ERP27: variants seen among roughly 807,000 people sequenced by gnomAD.
The protein encoded by ERP27 is endoplasmic reticulum resident protein 27.
ERP27 carries 23 observed loss-of-function variants against 27.7 expected under a neutral mutation model. The ratio of observed to expected loss-of-function variants is 0.83; its 90% CI spans 0.60 to 1.18. ERP27 has a LOEUF of 1.18. Among genes scored for constraint, ERP27 ranks in the 50% most tolerant of loss-of-function variants. The pLI is 0.00. For missense variants in ERP27, 363 were observed against 327.9 expected, an observed-to-expected ratio of 1.11 and a Z score of -0.83; for synonymous variants, 159 against 118.3, an observed-to-expected ratio of 1.34 and a Z score of -2.23.
At chr12:14,920,908 C>G in intron 4 of ERP27, 24 bp downstream of exon 4, 4 of 1,590,436 alleles carry the variant, frequency 2.5e-6, no homozygotes, top group Non-Finnish European at 3.5e-6. Flanking sequence ...TCTGAAGGGA[C>G]TAAGAACAGG....
chr12:14,919,994 G>C (rs964412945), intron 4 of ERP27, among the ~76,000 whole-genome samples: 5 of 152,054 alleles, frequency 3.3e-5, no homozygotes, highest in African/African-American at 9.7e-5. Flanking sequence ...AGGATGAAAG[G>C]GCTCTGTAAG....
Position 14,914,360 on chromosome 12 carries a change from G to A in ERP27, c.*375C>T, listed in dbSNP as rs1017181991. 1 of 205,328 alleles carries A rather than the reference G, an allele frequency of 4.9e-6. No individual in the cohort carries two copies. Among genetic ancestry groups the A allele is most frequent in the Admixed American group, 5.5e-5 (1 of 18,212 alleles). 12.7% of individuals were successfully genotyped at this position (205,328 alleles called of 1,614,324 possible). ...CAAACTTGATATTAAATGACAAATT[G>A]GAACAATCTTTCTCTAGGAATGCCT... On this transcript the variant is annotated 3_prime_UTR_variant, in exon 7 of 7. Transcript: ENST00000266397.
In ERP27 at chr12:14,935,181, G is replaced by C. The variant is rs111675104; in HGVS notation, c.196-188C>G. On this transcript the variant is annotated intron_variant, in intron 2 of 6. Coordinates refer to ENST00000266397, the MANE Select transcript of ERP27 (RefSeq NM_152321.4). ...GACATTCTTGAATTTTCCAGGCTCT[G>C]TAAGTTAATAGGTAACCACGAAATT... 1.0e-3 allele frequency: 1,005 copies of C among 984,928 alleles called. 11 individuals carry two copies. In the African/African-American group the frequency reaches 0.015, roughly 14 times the overall value. 61.0% of individuals were successfully genotyped at this position (984,928 alleles called of 1,614,324 possible). A position where few individuals can be genotyped will look rare whatever the true frequency, so the allele number is the denominator to read the frequency against.
rs545598143 is a variant in ERP27 at position 14,915,416 on chromosome 12, A to T, written c.774+73T>A. 2.3e-4 allele frequency: 353 copies of T among 1,528,470 alleles called. 2 individuals are homozygous for T. In the South Asian group the frequency reaches 3.9e-3, roughly 17 times the overall value. 94.7% of individuals were successfully genotyped at this position (1,528,470 alleles called of 1,614,324 possible). A position where few individuals can be genotyped will look rare whatever the true frequency, so the allele number is the denominator to read the frequency against. On this transcript the variant is annotated intron_variant, in intron 6 of 6. Coordinates refer to ENST00000266397, the MANE Select transcript of ERP27 (RefSeq NM_152321.4). ...CTCTCCTCCCTCTCTGAGCCCAAAGAATTCTTATTCAACTGGAAATAAAAG... is the reference window on the plus strand; with the variant it reads ...CTCTCCTCCCTCTCTGAGCCCAAAGTATTCTTATTCAACTGGAAATAAAAG...
intron 3 of ERP27, among the ~76,000 whole-genome samples, chr12:14,923,543 C>T (rs1051184065): frequency 6.9e-6 from 1 of 144,300 alleles, no homozygotes; most frequent in African/African-American, 2.6e-5. Flanking sequence ...ATCTATATTA[C>T]CTATCTCCTG....
chr12:14,929,713 T>G (rs1337879790), intron 3 of ERP27, among the ~76,000 whole-genome samples: 3 of 152,178 alleles, frequency 2.0e-5, no homozygotes, highest in Non-Finnish European at 4.4e-5. Flanking sequence ...AGACACTACA[T>G]CATACCAATC....
chr12:14,919,661 C>T (rs1289734077), intron 4 of ERP27, among the ~76,000 whole-genome samples: 1 of 152,066 alleles, frequency 6.6e-6, no homozygotes, highest in Non-Finnish European at 1.5e-5. Context: ...CCACAGGATT[C>T]AGTCACAGGC....
chr12:14,914,581 T>C lies in ERP27; in HGVS notation c.*154A>G, dbSNP rs77114487. ...CTCTGTGTGTGTGTGTGTGTGTGCG[T>C]GTGTGTGTGCACGCGTGCGTGCGTG... On this transcript the variant is annotated 3_prime_UTR_variant, in exon 7 of 7. Coordinates refer to ENST00000266397, the MANE Select transcript of ERP27 (RefSeq NM_152321.4). 108 of 524,598 alleles carry C rather than the reference T, an allele frequency of 2.1e-4. No individual in the cohort carries two copies. Among genetic ancestry groups the C allele is most frequent in the East Asian group, 5.5e-4 (17 of 31,014 alleles). 32.5% of individuals were successfully genotyped at this position (524,598 alleles called of 1,614,324 possible).
intron 3 of ERP27, among the ~76,000 whole-genome samples, chr12:14,930,066 G>C: frequency 6.6e-6 from 1 of 152,044 alleles, no homozygotes; most frequent in East Asian, 1.9e-4. Flanking sequence ...GCTAATGCAT[G>C]CGGGGCTTAA....
At chr12:14,927,139 C>A (rs563998542) in intron 3 of ERP27, among the ~76,000 whole-genome samples, 1 of 152,134 alleles carries the variant, frequency 6.6e-6, no homozygotes, top group Non-Finnish European at 1.5e-5. Flanking sequence ...CAGCTGTGAA[C>A]CTTATGGTTG....
At chr12:14,924,311 A>T (rs937945837) in intron 3 of ERP27, among the ~76,000 whole-genome samples, 5 of 152,100 alleles carry the variant, frequency 3.3e-5, no homozygotes, top group Non-Finnish European at 5.9e-5. Flanking sequence ...TTTCTTGGTT[A>T]TTGTGAATAG....
At chr12:14,927,772 ACACACT>A (rs1863628608) in intron 3 of ERP27, among the ~76,000 whole-genome samples, 1 of 150,542 alleles carries the variant, frequency 6.6e-6, no homozygotes. Flanking sequence ...ACACACACAC[ACACACT>A]TACACACACA....
At position 14,921,187 on chromosome 12, in the gene ERP27, G is replaced by A. The variant is rs976347020; in HGVS notation, c.334-139C>T. On this transcript the variant is annotated intron_variant, in intron 3 of 6. Coordinates refer to ENST00000266397, the MANE Select transcript of ERP27 (RefSeq NM_152321.4). ...TAAGTAAGAGAGTTTCTCTGCCCTA[G>A]GGGGACAAACTGTCCTGTAGACTCC... is the stretch of plus-strand genomic sequence containing the variant. The A allele has an allele frequency of 1.3e-5, 9 of 679,472 alleles. No individual in the cohort carries two copies. The Admixed American group carries it at 1.8e-4, about 14-fold the overall frequency. The allele number at this position is 679,472 out of a possible 1,614,324, so 42.1% of individuals were successfully genotyped here.
At chr12:14,919,003 C>G (rs1017379471) in intron 4 of ERP27, among the ~76,000 whole-genome samples, 1 of 152,126 alleles carries the variant, frequency 6.6e-6, no homozygotes, top group Non-Finnish European at 1.5e-5. Flanking sequence ...AAGGGATTGA[C>G]CATAGCCGAA....
chr12:14,938,044 C>G lies in ERP27; in HGVS notation c.103G>C (p.Gly35Arg). ...AGCCACGTGGGTTCCTGGGCAGCAC[C>G]AGGACCATCTAGAGAGAGAAGCAGA... ...AEVEKSSDGP[G>R]AAQEPTWLTD... The change falls in exon 2 of 7, where the codon GGT becomes CGT. Residue 35 changes from glycine (G) to arginine (R), a missense_variant. Coordinates refer to ENST00000266397, the MANE Select transcript of ERP27 (RefSeq NM_152321.4). 2 of 1,613,888 alleles carry G rather than the reference C, an allele frequency of 1.2e-6. No homozygotes were observed. Among genetic ancestry groups the G allele is most frequent in the Non-Finnish European group, 1.7e-6 (2 of 1,179,808 alleles).
intron 3 of ERP27, among the ~76,000 whole-genome samples, chr12:14,931,690 A>G (rs902908982): frequency 1.3e-5 from 2 of 152,196 alleles, no homozygotes; most frequent in Admixed American, 1.3e-4. Context: ...ATAAATTGTA[A>G]GCAACGCCAG....
rs550297029 is a variant in ERP27, at chr12:14,920,889, G to A, written c.450+43C>T. 2.7e-5 allele frequency: 41 copies of A among 1,505,868 alleles called. No individual in the cohort carries two copies. The East Asian group carries it at 7.2e-4, about 27-fold the overall frequency. 93.3% of individuals were successfully genotyped at this position (1,505,868 alleles called of 1,614,324 possible). ...TGTTATGAAGACCAGTACCTTCCCCGACTCAGGGTCTGAAGGGACTAAGAA... is the reference window on the plus strand; with the variant it reads ...TGTTATGAAGACCAGTACCTTCCCCAACTCAGGGTCTGAAGGGACTAAGAA... On this transcript the variant is annotated intron_variant, in intron 4 of 6. Coordinates refer to ENST00000266397, the MANE Select transcript of ERP27 (RefSeq NM_152321.4).
intron 5 of ERP27, 115 bp downstream of exon 5, chr12:14,917,063 G>A (rs933887710): frequency 1.6e-6 from 2 of 1,229,626 alleles, no homozygotes; most frequent in Non-Finnish European, 2.3e-6. Flanking sequence ...TTCTTGCTTT[G>A]CTATCTCCTA....
Position 14,921,024 on chromosome 12 carries a change from C to G in ERP27, c.358G>C (p.Glu120Gln), listed in dbSNP as rs757588305. The G allele has an allele frequency of 3.7e-6, 6 of 1,614,034 alleles. No homozygotes were observed. The highest frequency in any genetic ancestry group is 4.2e-6 in the Non-Finnish European group (5 of 1,179,904). ...TCAATGCTTTCAATGTCTTCGTCCT[C>G]TAAATTCAGTTGTTCATTGTCTACC... is the stretch of plus-strand genomic sequence containing the variant. Reference protein sequence around the residue: ...RLVDNEQLNLEDEDIESIDAT... With the variant: ...RLVDNEQLNLQDEDIESIDAT... The change falls in exon 4 of 7, where the codon GAG becomes CAG. Residue 120 changes from glutamate to glutamine, a missense_variant. By Grantham distance (29) the Glu-to-Gln change is conservative. Transcript: ENST00000266397.
Sources: allele counts gnomAD v4.1 joint callset (sites outside exome capture counted in the v4.1 genomes callset), GRCh38; gene constraint gnomAD v4.1.1; transcripts MANE v1.5; gene names NCBI Gene and HGNC (gene_info 2026-07-23, HGNC 2026-07-21).